ASTN2: variants seen among roughly 807,000 people sequenced by gnomAD.
ASTN2 encodes the protein astrotactin 2.
A neutral mutation model predicts 139.8 loss-of-function variants in ASTN2; 54 were observed. The observed-to-expected ratio is 0.39, with a 90% confidence interval of 0.31 to 0.48. ASTN2 has a LOEUF of 0.48. Ranked by LOEUF, ASTN2 falls within the 20% of genes least tolerant of loss-of-function variation. The pLI is 0.95. For synonymous variants in ASTN2, 756 were observed against 719.5 expected, an observed-to-expected ratio of 1.05 and a Z score of -0.81; for missense variants, 1,565 against 1,725.1, an observed-to-expected ratio of 0.91 and a Z score of 1.64.
intron 14 of ASTN2, among the ~76,000 whole-genome samples, chr9:116,731,376 T>TA (rs367895765): frequency 0.017 from 2,564 of 151,196 alleles, 81 homozygotes; most frequent in African/African-American, 0.059. Context: ...ATTAGAATCC[T>TA]AAAAAAAAAT....
intron 20 of ASTN2, among the ~76,000 whole-genome samples, chr9:116,482,904 G>A (rs7030607): frequency 0.3 from 45,011 of 152,184 alleles, 7,636 homozygotes; most frequent in Admixed American, 0.42. Context: ...CCCACCCCAG[G>A]AATCAGGCCT....
At chr9:116,819,806 A>G (rs1390993213) in intron 12 of ASTN2, among the ~76,000 whole-genome samples, 3 of 152,256 alleles carry the variant, frequency 2.0e-5, no homozygotes, top group African/African-American at 7.2e-5. Context: ...GTAAGTGATT[A>G]CTAAGGACCA....
chr9:116,699,675 TAC>T lies in ASTN2; in HGVS notation c.2806+26094_2806+26095del. On this transcript the variant is annotated intron_variant, in intron 16 of 22. Coordinates refer to ENST00000313400, the MANE Select transcript of ASTN2 (RefSeq NM_001365068.1). This position sits in a 1 kb window ranked among gnomAD's most constrained non-coding sequence, Gnocchi z 4.2. ...GGATCATTGCATCAAGATCTACAGC[TAC>T]CATCTGAGAAGATATTCCACCCCAT... 1.2e-6 allele frequency: 2 copies of T among 1,614,216 alleles called. No homozygotes were observed.
intron 1 of ASTN2, among the ~76,000 whole-genome samples, chr9:117,315,884 A>G (rs538444765): frequency 3.3e-5 from 5 of 152,316 alleles, no homozygotes; most frequent in Non-Finnish European, 7.3e-5. Flanking sequence ...CTCCAGGCAC[A>G]TAAGTATAGG....
At chr9:117,053,820 C>T (rs10983478) in intron 5 of ASTN2, among the ~76,000 whole-genome samples, 2,337 of 152,286 alleles carry the variant, frequency 0.015, 43 homozygotes, top group Admixed American at 0.02. Context: ...TGCAAACCAC[C>T]TGGAGATTTT....
chr9:116,752,372 A>G (rs1829423502), intron 13 of ASTN2, among the ~76,000 whole-genome samples: 1 of 152,220 alleles, frequency 6.6e-6, no homozygotes, highest in African/African-American at 2.4e-5. Context: ...ACACTTTTCC[A>G]AAAATAAAAA....
At chr9:116,704,717 A>G (rs746036266) in intron 16 of ASTN2, among the ~76,000 whole-genome samples, 6 of 152,186 alleles carry the variant, frequency 3.9e-5, no homozygotes, top group Non-Finnish European at 7.3e-5. Flanking sequence ...TTGGAGGAAG[A>G]GTGGGATTGC....
chr9:116,463,927 T>A (rs924579061), intron 20 of ASTN2, among the ~76,000 whole-genome samples: 1 of 149,634 alleles, frequency 6.7e-6, no homozygotes, highest in Admixed American at 6.7e-5. Context: ...TTTTTTTTTT[T>A]GAGAGAGACA....
At chr9:116,925,650 A>T (rs1409201765) in intron 10 of ASTN2, among the ~76,000 whole-genome samples, 1 of 150,266 alleles carries the variant, frequency 6.7e-6, no homozygotes, top group African/African-American at 2.4e-5. Flanking sequence ...TACTTCTTCC[A>T]GTTTCTCAGA....
At chr9:117,156,844 G>C (rs745969067) in intron 3 of ASTN2, among the ~76,000 whole-genome samples, 5 of 152,022 alleles carry the variant, frequency 3.3e-5, no homozygotes, top group Non-Finnish European at 7.4e-5. Context: ...CTGTGGTTTA[G>C]TAGTTGTAGA....
At chr9:116,459,829 G>A (rs1325325382) in intron 20 of ASTN2, among the ~76,000 whole-genome samples, 2 of 152,032 alleles carry the variant, frequency 1.3e-5, no homozygotes, top group Non-Finnish European at 2.9e-5. Flanking sequence ...CAGCCATATT[G>A]GAAAACAGTT....
At chr9:116,850,447 C>G (rs778731033) in intron 11 of ASTN2, among the ~76,000 whole-genome samples, 17 of 152,144 alleles carry the variant, frequency 1.1e-4, no homozygotes, top group Non-Finnish European at 1.5e-4. Context: ...GCTCTCAAAT[C>G]CCCACCAATG....
chr9:116,907,794 A>G (rs1834203281), intron 10 of ASTN2, among the ~76,000 whole-genome samples: 1 of 152,156 alleles, frequency 6.6e-6, no homozygotes, highest in South Asian at 2.1e-4. Flanking sequence ...GGCGGGAGGT[A>G]AGGTGCTGCA....
At chr9:116,965,199 G>C (rs969052729) in intron 10 of ASTN2, among the ~76,000 whole-genome samples, 2 of 152,228 alleles carry the variant, frequency 1.3e-5, no homozygotes, top group African/African-American at 4.8e-5. Context: ...ATCTGAGTTG[G>C]CATGTAGGCT....
chr9:116,637,855 G>C (rs1015614842), intron 17 of ASTN2, among the ~76,000 whole-genome samples: 1 of 152,126 alleles, frequency 6.6e-6, no homozygotes, highest in Non-Finnish European at 1.5e-5. Flanking sequence ...TTGGAGGATC[G>C]CTTGAGCCAG....
At chr9:116,558,201 A>C (rs1002210193) in intron 19 of ASTN2, among the ~76,000 whole-genome samples, 3 of 152,178 alleles carry the variant, frequency 2.0e-5, no homozygotes, top group African/African-American at 7.2e-5. Flanking sequence ...GTGATGTTGC[A>C]GACAAGCTGG....
intron 19 of ASTN2, among the ~76,000 whole-genome samples, chr9:116,615,606 T>G (rs1855804747): frequency 6.6e-6 from 1 of 151,706 alleles, no homozygotes; most frequent in Admixed American, 6.6e-5. Flanking sequence ...ACCATCATTC[T>G]CAGCAAACTA....
chr9:117,075,831 G>C (rs1415630856), intron 5 of ASTN2, among the ~76,000 whole-genome samples: 1 of 152,084 alleles, frequency 6.6e-6, no homozygotes, highest in Non-Finnish European at 1.5e-5. Flanking sequence ...TTTCCTCTCT[G>C]TGCCTCAGTT....
chr9:116,799,701 G>C (rs1830789470), intron 13 of ASTN2, among the ~76,000 whole-genome samples: 1 of 113,530 alleles, frequency 8.8e-6, no homozygotes. Flanking sequence ...ATGTGGGTAA[G>C]AGAGTGGGGG....
Sources: gnomAD v4.1 joint callset for allele counts (sites outside exome capture counted in the v4.1 genomes callset) on GRCh38, gnomAD v4.1.1 for gene constraint, Gnocchi (gnomAD v3.1) non-coding constraint, MANE v1.5 for transcripts, NCBI Gene and HGNC (gene_info 2026-07-23, HGNC 2026-07-21) for gene names.